PEAK1: variants seen among roughly 807,000 people sequenced by gnomAD.
The protein encoded by PEAK1 is pseudopodium enriched atypical kinase 1, also known as inactive tyrosine-protein kinase PEAK1.
PEAK1 carries 54 observed loss-of-function variants against 124.7 expected under a neutral mutation model. The ratio of observed to expected loss-of-function variants is 0.43; its 90% confidence interval spans 0.35 to 0.54. The LOEUF is 0.54. PEAK1 is among the 20% of genes least tolerant of loss of function. PEAK1 has a pLI of 0.01. For missense variants in PEAK1, 2,046 were observed against 2,134.5 expected (o/e 0.96, Z 0.82); for synonymous variants, 719 against 760.0 (o/e 0.95, Z 0.89).
intron 6 of PEAK1, among the ~76,000 whole-genome samples, chr15:77,216,539 C>A (rs1209211027): frequency 6.6e-6 from 1 of 152,144 alleles, no homozygotes; most frequent in African/African-American, 2.4e-5. Flanking sequence ...TTTATGGGGT[C>A]AATGCCCCAA....
chr15:77,308,316 A>G (rs1221798503), intron 2 of PEAK1, among the ~76,000 whole-genome samples: 1 of 152,230 alleles, frequency 6.6e-6, no homozygotes, highest in East Asian at 1.9e-4. Flanking sequence ...GATTTAAGCT[A>G]ATGGACAGGA....
intron 9 of PEAK1, among the ~76,000 whole-genome samples, chr15:77,124,688 T>C (rs867356248): frequency 2.0e-5 from 3 of 152,244 alleles, no homozygotes; most frequent in South Asian, 2.1e-4. Flanking sequence ...CTTACCATAG[T>C]TGTCATCCAA....
intron 2 of PEAK1, chr15:77,345,941 C>T: frequency 1.0e-6 from 1 of 985,110 alleles, no homozygotes; most frequent in Non-Finnish European, 1.2e-6. Flanking sequence ...AATTATAGCA[C>T]ATAGCAATGG....
intron 2 of PEAK1, among the ~76,000 whole-genome samples, chr15:77,357,657 T>G (rs923596195): frequency 5.3e-5 from 8 of 152,248 alleles, no homozygotes; most frequent in African/African-American, 1.9e-4. Flanking sequence ...TATGTATGTT[T>G]GCAAAAATAA....
intron 2 of PEAK1, among the ~76,000 whole-genome samples, chr15:77,292,363 AT>A (rs1365203861): frequency 4.6e-5 from 7 of 152,202 alleles, no homozygotes; most frequent in Non-Finnish European, 1.0e-4. Context: ...ATAACTCATG[AT>A]TGAGAGAAGC....
intron 7 of PEAK1, among the ~76,000 whole-genome samples, chr15:77,166,079 G>T (rs2056077689): frequency 6.6e-6 from 1 of 152,140 alleles, no homozygotes; most frequent in Admixed American, 6.5e-5. Context: ...GGGTATTAAT[G>T]ATTACAGATG....
intron 2 of PEAK1, among the ~76,000 whole-genome samples, chr15:77,304,442 ATTTTTTTTTTTTTT>A (rs71145812): frequency 1.2e-5 from 1 of 86,490 alleles, no homozygotes; most frequent in Non-Finnish European, 2.1e-5. Flanking sequence ...TCCTGTATAC[ATTTTTTTTTTTTTT>A]TTTTTTTTTT....
chr15:77,332,331 G>A (rs2065938536), intron 2 of PEAK1: 2 of 956,098 alleles, frequency 2.1e-6, no homozygotes, highest in Non-Finnish European at 2.5e-6. Context: ...CGGGTGCGGT[G>A]GCTCACACCT....
intron 2 of PEAK1, chr15:77,337,092 GTAACCAATCAAGAT>G (rs2066251795): frequency 2.0e-6 from 2 of 976,466 alleles, no homozygotes; most frequent in Admixed American, 1.2e-4. Flanking sequence ...AGACAACAAA[GTAACCAATCAAGAT>G]GCGGGGCTAG....
chr15:77,115,278 G>C lies in PEAK1; in HGVS notation c.4119C>G (p.His1373Gln). The C allele has an allele frequency of 6.2e-7, 1 of 1,614,126 alleles. No homozygotes were observed. The highest frequency in any genetic ancestry group is 8.5e-7 in the Non-Finnish European group (1 of 1,179,980). Residue 1373 changes from histidine to glutamine, a missense_variant, in exon 10 of 10, where the codon CAC becomes CAG. His to Gln is a conservative substitution (Grantham distance 24). Coordinates refer to ENST00000682557, the MANE Select transcript of PEAK1 (RefSeq NM_001385026.1). Reference protein sequence around the residue: ...SKAKESQQYYHSLAVRQSLAV... With the variant: ...SKAKESQQYYQSLAVRQSLAV... ...CCAGACTCTGCCGGACAGCCAAGCT[G>C]TGATAATACTGCTGAGATTCTTTAG... is the stretch of plus-strand genomic sequence containing the variant.
chr15:77,163,426 A>C (rs1351478210), intron 7 of PEAK1, among the ~76,000 whole-genome samples: 1 of 152,254 alleles, frequency 6.6e-6, no homozygotes, highest in Non-Finnish European at 1.5e-5. Context: ...ATATTCATAC[A>C]TAATTCAAAG....
At chr15:77,205,616 C>T (rs1402586249) in intron 6 of PEAK1, among the ~76,000 whole-genome samples, 1 of 152,122 alleles carries the variant, frequency 6.6e-6, no homozygotes, top group Non-Finnish European at 1.5e-5. Context: ...TGTGGCAGTC[C>T]TGTTTCCCTA....
intron 5 of PEAK1, among the ~76,000 whole-genome samples, chr15:77,255,937 G>A (rs955748336): frequency 1.3e-5 from 2 of 152,036 alleles, no homozygotes; most frequent in Non-Finnish European, 2.9e-5. Flanking sequence ...GGGTAATAGG[G>A]TCATGTGAAA....
chr15:77,296,900 G>T (rs1597162869), intron 2 of PEAK1, among the ~76,000 whole-genome samples: 1 of 151,774 alleles, frequency 6.6e-6, no homozygotes, highest in Non-Finnish European at 1.5e-5. Flanking sequence ...CAGAACTTTG[G>T]CCCAAAGTAC....
chr15:77,142,450 G>A (rs1050257484), intron 8 of PEAK1, among the ~76,000 whole-genome samples: 8 of 152,120 alleles, frequency 5.3e-5, no homozygotes, highest in African/African-American at 1.2e-4. Flanking sequence ...CCAGCATTTC[G>A]ACTCCTGGGT....
At chr15:77,376,131 G>C (rs1176438589) in intron 1 of PEAK1, among the ~76,000 whole-genome samples, 3 of 151,122 alleles carry the variant, frequency 2.0e-5, no homozygotes, top group African/African-American at 7.3e-5. Flanking sequence ...TAACAAAAAA[G>C]AAAATGTACA....
chr15:77,300,064 T>C (rs749861856), intron 2 of PEAK1, among the ~76,000 whole-genome samples: 2 of 152,164 alleles, frequency 1.3e-5, no homozygotes, highest in African/African-American at 2.4e-5. Context: ...GTCCAGCACA[T>C]CTTGTCTTAT....
rs1375925184 is a variant in PEAK1 at position 77,415,811 on chromosome 15, C to T, written c.-666+4195G>A. Among the ~76,000 whole-genome samples, 11 of 152,278 alleles carry T rather than the reference C, an allele frequency of 7.2e-5. No homozygotes were observed. In the East Asian group the frequency reaches 2.1e-3, roughly 29 times the overall value. ...ACCTTCAAATCCTTGTCTCCATCCA[C>T]CAGCCAGTCTCCCACGCCCACCAAA... is the stretch of plus-strand genomic sequence containing the variant. On this transcript the variant is annotated intron_variant, in intron 1 of 9. Transcript: ENST00000682557.
chr15:77,336,064 T>C (rs1447316125), intron 2 of PEAK1: 2 of 985,274 alleles, frequency 2.0e-6, no homozygotes, highest in Middle Eastern at 5.2e-4. Flanking sequence ...AGAATAACAG[T>C]GCCATTAAAA....
Sources: gnomAD v4.1 joint callset for allele counts (sites outside exome capture counted in the v4.1 genomes callset) on GRCh38, gnomAD v4.1.1 for gene constraint, MANE v1.5 for transcripts, NCBI Gene and HGNC (gene_info 2026-07-23, HGNC 2026-07-21) for gene names.